The following COL11A1 variants were observed in gnomAD, a reference collection of about 807,000 sequenced individuals.
COL11A1 encodes collagen alpha-1(XI) chain.
In COL11A1, 74 loss-of-function variants were observed where a neutral mutation model predicts 265.2. The ratio of observed to expected loss-of-function variants is 0.28; its 90% CI spans 0.23 to 0.34. The LOEUF (loss-of-function observed/expected upper bound fraction) is 0.34. Among genes scored for constraint, COL11A1 ranks in the 10% least tolerant of loss-of-function variants. The probability of loss-of-function intolerance (pLI) is 1.00; values close to 1 mark genes in which losing one functional copy is unlikely to be tolerated. For missense variants in COL11A1, 2,165 were observed against 2,263.6 expected (o/e 0.96, Z 0.88); for synonymous variants, 816 against 727.6 (o/e 1.12, Z -1.96).
intron 13 of COL11A1, among the ~76,000 whole-genome samples, chr1:103,013,015 T>G (rs1470512093): frequency 1.3e-5 from 2 of 152,104 alleles, no homozygotes; most frequent in Non-Finnish European, 2.9e-5. Flanking sequence ...AATAAACTGA[T>G]TACATGCACT....
rs958678153 is a variant in COL11A1, at chr1:102,940,367, G to A, written c.3344C>T (p.Pro1115Leu). 4.2e-5 allele frequency: 68 copies of A among 1,613,814 alleles called. No homozygotes were observed. Among genetic ancestry groups the A allele is most frequent in the Non-Finnish European group, 5.4e-5 (64 of 1,179,938 alleles). ...CCCAGGGGAGCCGGCAGGACCAGCT[G>A]GCCCTGGGAGACCAACAGGACCTTG... ...GVQGPVGLPG[P>L]AGPAGSPGED... The change falls in exon 43 of 67, where the codon CCA (proline) becomes CTA (leucine). Residue 1115 changes from proline (P) to leucine (L), a missense_variant. Physicochemically the swap from Pro to Leu is moderately conservative, Grantham distance 98 (BLOSUM62 -3). Transcript: ENST00000370096.
At chr1:102,994,113 C>T (rs1664396078) in intron 28 of COL11A1, among the ~76,000 whole-genome samples, 1 of 152,102 alleles carries the variant, frequency 6.6e-6, no homozygotes, top group Non-Finnish European at 1.5e-5. Flanking sequence ...AAATCCATCC[C>T]TTTTTGTTAT....
At chr1:102,940,588 G>T (rs1570801618) in intron 42 of COL11A1, among the ~76,000 whole-genome samples, 154 bp from the exon 43 acceptor site, 1 of 152,092 alleles carries the variant, frequency 6.6e-6, no homozygotes, top group South Asian at 2.1e-4. Flanking sequence ...ACCTTCATTT[G>T]TGACTAAGAA....
chr1:102,951,433 C>T (rs1220622720), intron 41 of COL11A1, among the ~76,000 whole-genome samples: 2 of 152,182 alleles, frequency 1.3e-5, no homozygotes, highest in African/African-American at 4.8e-5. Context: ...AGTGGTGGCT[C>T]ACACCTGTAA....
At chr1:103,014,659 T>C in intron 12 of COL11A1, 65 bp from the exon 13 acceptor site, 1 of 1,352,692 alleles carries the variant, frequency 7.4e-7, no homozygotes. Context: ...TTACGTGCTT[T>C]GATCATTAGA....
intron 54 of COL11A1, among the ~76,000 whole-genome samples, chr1:102,906,459 G>T (rs1340111817): frequency 5.9e-5 from 9 of 152,098 alleles, no homozygotes. Flanking sequence ...TCAGATTGGA[G>T]TACAGTAGAA....
chr1:103,103,133 G>A (rs185085734), intron 1 of COL11A1, among the ~76,000 whole-genome samples: 13 of 151,616 alleles, frequency 8.6e-5, no homozygotes, highest in East Asian at 1.9e-4. Flanking sequence ...GCACTACTAC[G>A]TTCTCTCCTA....
Position 103,018,876 on chromosome 1 carries a change from G to A in COL11A1, c.1309-17C>T. 1 of 1,608,390 alleles carries A rather than the reference G, an allele frequency of 6.2e-7. No homozygotes were observed. Among genetic ancestry groups the A allele is most frequent in the Non-Finnish European group, 8.5e-7 (1 of 1,175,404 alleles). ...AAGCATACCCTATAACAGGAAAAGAGAACATCTCTACCAGGGAAATATAAC... is the reference window on the plus strand; with the variant it reads ...AAGCATACCCTATAACAGGAAAAGAAAACATCTCTACCAGGGAAATATAAC... On this transcript the variant is annotated splice_polypyrimidine_tract_variant and intron_variant, in intron 9 of 66. Coordinates refer to ENST00000370096, the MANE Select transcript of COL11A1 (RefSeq NM_001854.4).
intron 1 of COL11A1, among the ~76,000 whole-genome samples, chr1:103,103,249 A>T (rs866896901): frequency 1.3e-5 from 2 of 152,204 alleles, no homozygotes; most frequent in Middle Eastern, 3.4e-3. Context: ...TACTATATGT[A>T]TACATAAAAT....
chr1:102,881,424 A>T (rs968937124), intron 65 of COL11A1, among the ~76,000 whole-genome samples: 13 of 152,144 alleles, frequency 8.5e-5, no homozygotes, highest in African/African-American at 3.1e-4. Context: ...AATTTTTATG[A>T]TGTCTATCTC....
chr1:102,895,052 G>A (rs1018248855), intron 57 of COL11A1, among the ~76,000 whole-genome samples: 4 of 152,086 alleles, frequency 2.6e-5, no homozygotes, highest in African/African-American at 9.7e-5. Context: ...GTAAATATAT[G>A]TTGAATTCAT....
intron 4 of COL11A1, among the ~76,000 whole-genome samples, chr1:103,043,111 C>T (rs1442268460): frequency 7.0e-6 from 1 of 142,044 alleles, no homozygotes; most frequent in East Asian, 2.0e-4. Flanking sequence ...ATAATGAATA[C>T]CTGAAATACA....
At chr1:102,981,976 A>T (rs901838032) in intron 31 of COL11A1, among the ~76,000 whole-genome samples, 1 of 151,988 alleles carries the variant, frequency 6.6e-6, no homozygotes, top group Admixed American at 6.6e-5. Context: ...AAAAAAATTT[A>T]AATTTATTCA....
intron 54 of COL11A1, among the ~76,000 whole-genome samples, chr1:102,899,211 C>G (rs1652860939): frequency 6.6e-6 from 1 of 151,926 alleles, no homozygotes; most frequent in East Asian, 1.9e-4. Context: ...AAGTATACAA[C>G]AATCACTTCA....
intron 54 of COL11A1, among the ~76,000 whole-genome samples, chr1:102,910,056 T>C (rs1260884134): frequency 6.6e-6 from 1 of 152,032 alleles, no homozygotes; most frequent in Admixed American, 6.6e-5. Flanking sequence ...AGTTTTAACA[T>C]ATAATATTTT....
chr1:103,028,475 C>T (rs1474822845), intron 5 of COL11A1, among the ~76,000 whole-genome samples: 1 of 152,108 alleles, frequency 6.6e-6, no homozygotes, highest in South Asian at 2.1e-4. Flanking sequence ...AGCCTCATAA[C>T]ATATTTTTGG....
chr1:103,057,858 T>C (rs568451098), intron 4 of COL11A1, among the ~76,000 whole-genome samples: 26 of 152,286 alleles, frequency 1.7e-4, no homozygotes, highest in African/African-American at 6.3e-4. Context: ...TACAGCAGGA[T>C]TGATTTAGTA....
At chr1:102,894,252 G>A (rs1484108975) in intron 57 of COL11A1, among the ~76,000 whole-genome samples, 1 of 152,086 alleles carries the variant, frequency 6.6e-6, no homozygotes, top group African/African-American at 2.4e-5. Context: ...ACACTCAATT[G>A]GCCAGGCTTG....
intron 62 of COL11A1, among the ~76,000 whole-genome samples, chr1:102,888,088 T>G (rs1298408744): frequency 6.6e-6 from 1 of 152,176 alleles, no homozygotes; most frequent in African/African-American, 2.4e-5. Flanking sequence ...GAAAGAAGAA[T>G]AACATTTCTT....
Sources: gnomAD v4.1 joint callset for allele counts (sites outside exome capture counted in the v4.1 genomes callset) on GRCh38, gnomAD v4.1.1 for gene constraint, MANE v1.5 for transcripts, NCBI Gene and HGNC (gene_info 2026-07-23, HGNC 2026-07-21) for gene names.